Variants in ULK4 observed in about 807,000 individuals in gnomAD.
The protein encoded by ULK4 is inactive serine/threonine-protein kinase ULK4.
ULK4 carries 133 observed loss-of-function variants against 160.6 expected under a neutral mutation model. The observed-to-expected ratio is 0.83, with a 90% CI of 0.72 to 0.96. ULK4 has a LOEUF of 0.96. Among genes scored for constraint, ULK4 ranks in the 40% least tolerant of loss-of-function variants. The pLI, the probability that ULK4 is intolerant of heterozygous loss-of-function variation, is 0.00. For synonymous variants in ULK4, 534 were observed against 539.8 expected (o/e 0.99, Z 0.15); for missense variants, 1,580 against 1,499.5 (o/e 1.05, Z -0.89).
At position 41,717,719 on chromosome 3, in the gene ULK4, C is replaced by G. The variant is rs1413873660; in HGVS notation, c.2455+9G>C. 6.2e-7 allele frequency: 1 copy of G among 1,607,542 alleles called. No individual in the cohort carries two copies. The highest frequency in any genetic ancestry group is 1.1e-5 in the South Asian group (1 of 90,372). ...AGAAATGGGGCCTGAGGATGAGACTCCAATTTACCCAGGATTCGTGGCAGC... is the reference window on the plus strand; with the variant it reads ...AGAAATGGGGCCTGAGGATGAGACTGCAATTTACCCAGGATTCGTGGCAGC... On this transcript the variant is annotated intron_variant, in intron 23 of 36. Coordinates refer to ENST00000301831, the MANE Select transcript of ULK4 (RefSeq NM_017886.4).
intron 11 of ULK4, among the ~76,000 whole-genome samples, chr3:41,909,414 A>C (rs1265170049): frequency 6.6e-6 from 1 of 152,208 alleles, no homozygotes; most frequent in East Asian, 1.9e-4. Context: ...AGTTAAATTT[A>C]AAATGTATAA....
Position 41,717,765 on chromosome 3 carries a change from GA to G in ULK4, c.2417del (p.Leu806ProfsTer34). On this transcript the variant is annotated frameshift_variant, in exon 23 of 37. Coordinates refer to ENST00000301831, the MANE Select transcript of ULK4 (RefSeq NM_017886.4). LOFTEE classifies it high-confidence loss of function. ...GCAGCTCCTGCACAATGTGACAGAT[GA>G]GAAGATCCAGGCATTTGGACAGGTA... ...NEYLSKCLDL[L>X]ICHIVQELPR... The G allele has an allele frequency of 6.2e-7, 1 of 1,614,160 alleles. No individual in the cohort carries two copies. Among genetic ancestry groups the G allele is most frequent in the South Asian group, 1.1e-5 (1 of 91,074 alleles).
Position 41,624,731 on chromosome 3 carries a change from C to T in ULK4, c.3072-9014G>A, listed in dbSNP as rs762343535. Among the ~76,000 whole-genome samples, 7 of 151,814 alleles carry T rather than the reference C, an allele frequency of 4.6e-5. No individual in the cohort carries two copies. In the South Asian group the frequency reaches 8.3e-4, roughly 18 times the overall value. Reference sequence around the variant, plus strand: ...TTTTTAGTGGTAAGCCTAATAAGGACGATAATTCATCCTTATCGTCACAAA... The same window carrying T: ...TTTTTAGTGGTAAGCCTAATAAGGATGATAATTCATCCTTATCGTCACAAA... On this transcript the variant is annotated intron_variant, in intron 30 of 36. Coordinates refer to ENST00000301831, the MANE Select transcript of ULK4 (RefSeq NM_017886.4).
intron 2 of ULK4, among the ~76,000 whole-genome samples, chr3:41,952,765 T>C (rs1239762975): frequency 4.6e-5 from 7 of 152,236 alleles, no homozygotes; most frequent in Non-Finnish European, 1.0e-4. Flanking sequence ...TGTATCCACA[T>C]ATTCATAGCA....
chr3:41,823,321 G>A (rs1186386014), intron 18 of ULK4, among the ~76,000 whole-genome samples: 1 of 152,164 alleles, frequency 6.6e-6, no homozygotes, highest in Non-Finnish European at 1.5e-5. Context: ...GAAGGAGTGA[G>A]TAGGAAGATA....
At chr3:41,366,910 TCA>T (rs1274245811) in intron 35 of ULK4, among the ~76,000 whole-genome samples, 1 of 152,214 alleles carries the variant, frequency 6.6e-6, no homozygotes, top group Non-Finnish European at 1.5e-5. Context: ...AACATTTCTC[TCA>T]CTCTGTGCTC....
rs1029646136 is a variant in ULK4 at position 41,789,782 on chromosome 3, C to A, written c.2072G>T (p.Gly691Val). 2 of 1,613,442 alleles carry A rather than the reference C, an allele frequency of 1.2e-6. No individual in the cohort carries two copies. The highest frequency in any genetic ancestry group is 1.7e-5 in the Admixed American group (1 of 59,894). Residue 691 changes from glycine to valine, a missense_variant, in exon 21 of 37, where the codon GGA becomes GTA. By Grantham distance (109) the Gly-to-Val change is moderately radical. Coordinates refer to ENST00000301831, the MANE Select transcript of ULK4 (RefSeq NM_017886.4). Reference protein sequence around the residue: ...TAFQNVIEKVGLNSVINSLAS... With the variant: ...TAFQNVIEKVVLNSVINSLAS... ...CAGGGAGTTTATTACTGAGTTCAGTCCCACCTTTTCAATAACATTCTGGAA... is the reference window on the plus strand; with the variant it reads ...CAGGGAGTTTATTACTGAGTTCAGTACCACCTTTTCAATAACATTCTGGAA...
At chr3:41,619,173 A>G (rs1348561308) in intron 30 of ULK4, among the ~76,000 whole-genome samples, 1 of 152,156 alleles carries the variant, frequency 6.6e-6, no homozygotes, top group Non-Finnish European at 1.5e-5. Context: ...TCCCAATAAT[A>G]ATAGTGGGAG....
chr3:41,564,694 A>G (rs1388563519), intron 32 of ULK4, among the ~76,000 whole-genome samples: 1 of 151,836 alleles, frequency 6.6e-6, no homozygotes, highest in Admixed American at 6.6e-5. Context: ...CCTGACCTCA[A>G]GTGATCCACA....
chr3:41,897,690 C>T (rs1352566335), intron 14 of ULK4, among the ~76,000 whole-genome samples: 1 of 152,144 alleles, frequency 6.6e-6, no homozygotes, highest in African/African-American at 2.4e-5. Context: ...CTTTGCTTCA[C>T]TTGGCCTTTC....
At chr3:41,333,084 A>G (rs2080480299) in intron 35 of ULK4, among the ~76,000 whole-genome samples, 1 of 152,248 alleles carries the variant, frequency 6.6e-6, no homozygotes, top group Non-Finnish European at 1.5e-5. Context: ...ACAACATGAG[A>G]AAGAATCTTT....
intron 17 of ULK4, among the ~76,000 whole-genome samples, chr3:41,848,797 T>C (rs560415418): frequency 6.6e-6 from 1 of 152,316 alleles, no homozygotes; most frequent in African/African-American, 2.4e-5. Context: ...TTTGACCTTG[T>C]TCATTTTCCT....
intron 6 of ULK4, 116 bp downstream of exon 6, chr3:41,919,601 C>A: frequency 2.3e-6 from 2 of 881,086 alleles, no homozygotes; most frequent in Non-Finnish European, 1.8e-6. Flanking sequence ...GACTCTGTCT[C>A]AAAATAAAAA....
intron 2 of ULK4, among the ~76,000 whole-genome samples, chr3:41,940,934 A>G (rs1302082935): frequency 1.3e-5 from 2 of 152,210 alleles, no homozygotes; most frequent in African/African-American, 2.4e-5. Context: ...AAATTCCACT[A>G]AATATGAAAA....
intron 17 of ULK4, among the ~76,000 whole-genome samples, chr3:41,853,545 A>T (rs1244756261): frequency 6.6e-6 from 1 of 152,172 alleles, no homozygotes; most frequent in African/African-American, 2.4e-5. Context: ...TTAAAGAATA[A>T]ACTATGTTCT....
At chr3:41,712,961 G>A (rs1346956870) in intron 25 of ULK4, among the ~76,000 whole-genome samples, 2 of 151,606 alleles carry the variant, frequency 1.3e-5, no homozygotes, top group Non-Finnish European at 2.9e-5. Flanking sequence ...AATATGAATG[G>A]ACTACTTCCC....
At chr3:41,550,580 A>T (rs1038310028) in intron 32 of ULK4, among the ~76,000 whole-genome samples, 4 of 152,068 alleles carry the variant, frequency 2.6e-5, no homozygotes, top group Admixed American at 2.6e-4. Context: ...TCAATTCAGC[A>T]AGAGGATATA....
At chr3:41,889,601 A>G (rs1697844462) in intron 16 of ULK4, among the ~76,000 whole-genome samples, 1 of 152,190 alleles carries the variant, frequency 6.6e-6, no homozygotes, top group African/African-American at 2.4e-5. Flanking sequence ...TAAGCTTAGT[A>G]CCTGGGTGAC....
At chr3:41,956,310 A>T (rs1314905681) in intron 1 of ULK4, among the ~76,000 whole-genome samples, 1 of 152,206 alleles carries the variant, frequency 6.6e-6, no homozygotes, top group Non-Finnish European at 1.5e-5. Flanking sequence ...TGAAGAGGCC[A>T]GTGGGAAAGC....
Sources: gnomAD v4.1 joint callset for allele counts (sites outside exome capture counted in the v4.1 genomes callset) on GRCh38, gnomAD v4.1.1 for gene constraint, MANE v1.5 for transcripts, NCBI Gene and HGNC (gene_info 2026-07-23, HGNC 2026-07-21) for gene names.